The following DCHS2 variants were observed in gnomAD, a reference collection of about 807,000 sequenced individuals.
The protein encoded by DCHS2 is dachsous cadherin-related 2.
DCHS2 carries 142 observed loss-of-function variants against 182.4 expected under a neutral mutation model. That is an observed-to-expected ratio of 0.78 (90% confidence interval 0.68 to 0.89). The LOEUF (loss-of-function observed/expected upper bound fraction) is 0.89, where lower values mean the gene tolerates loss of function less well. Ranked by LOEUF, DCHS2 falls within the 40% of genes least tolerant of loss-of-function variation. The probability of loss-of-function intolerance (pLI) is 0.00; values close to 1 mark genes in which losing one functional copy is unlikely to be tolerated. For synonymous variants in DCHS2, 1,740 were observed against 1,663.3 expected (o/e 1.05, Z -1.12); for missense variants, 4,319 against 4,198.6 (o/e 1.03, Z -0.79).
intron 10 of DCHS2, among the ~76,000 whole-genome samples, chr4:154,312,378 A>G (rs571029209): frequency 1.7e-3 from 253 of 152,230 alleles, no homozygotes; most frequent in Non-Finnish European, 3.1e-3. Flanking sequence ...ACGTCAATGA[A>G]TAACTACTAA....
chr4:154,374,415 A>T (rs1366533515), intron 2 of DCHS2: 1 of 152,976 alleles, frequency 6.5e-6, no homozygotes, highest in East Asian at 1.9e-4. Context: ...TCTATCAAGA[A>T]TATATTTTTA....
chr4:154,251,381 GTTCCCA>G (rs1303652515), intron 16 of DCHS2, among the ~76,000 whole-genome samples: 1 of 141,216 alleles, frequency 7.1e-6, no homozygotes, highest in African/African-American at 2.6e-5. Context: ...ACCTCTCTGA[GTTCCCA>G]TTTCTTTATT....
intron 1 of DCHS2, among the ~76,000 whole-genome samples, chr4:154,396,211 G>A (rs1259421269): frequency 6.9e-6 from 1 of 145,634 alleles, no homozygotes; most frequent in Non-Finnish European, 1.5e-5. Flanking sequence ...AGTGTACCTG[G>A]CACATAATAG....
chr4:154,330,523 G>C (rs1453753629), intron 5 of DCHS2, among the ~76,000 whole-genome samples: 1 of 151,998 alleles, frequency 6.6e-6, no homozygotes, highest in African/African-American at 2.4e-5. Flanking sequence ...CAAGCACTCG[G>C]TCCAATAGCC....
At chr4:154,426,584 T>C (rs552502890) in intron 1 of DCHS2, among the ~76,000 whole-genome samples, 5 of 152,144 alleles carry the variant, frequency 3.3e-5, no homozygotes, top group East Asian at 1.9e-4. Flanking sequence ...TAGAATAAGA[T>C]TGAGTATTTG....
chr4:154,320,102 C>T (rs1448755867), intron 9 of DCHS2, among the ~76,000 whole-genome samples: 2 of 152,184 alleles, frequency 1.3e-5, no homozygotes, highest in African/African-American at 2.4e-5. Flanking sequence ...AGACAAAACT[C>T]CATTATTCCA....
At chr4:154,310,713 A>T (rs1735642391) in intron 10 of DCHS2, among the ~76,000 whole-genome samples, 1 of 152,210 alleles carries the variant, frequency 6.6e-6, no homozygotes, top group Non-Finnish European at 1.5e-5. Flanking sequence ...TATAAGAACT[A>T]TCAGAACTCA....
chr4:154,421,566 T>C (rs999505110), intron 1 of DCHS2, among the ~76,000 whole-genome samples: 12 of 152,136 alleles, frequency 7.9e-5, no homozygotes, highest in Admixed American at 7.9e-4. Context: ...GGCTAATTTT[T>C]GTATTTTTAG....
chr4:154,284,969 T>C (rs1406625543), intron 13 of DCHS2, among the ~76,000 whole-genome samples: 2 of 152,078 alleles, frequency 1.3e-5, no homozygotes, highest in African/African-American at 4.8e-5. Context: ...GGACAGACTC[T>C]TTCCTTCCAC....
At chr4:154,259,786 A>G in intron 14 of DCHS2, 30 bp from the exon 15 acceptor site, 1 of 1,573,256 alleles carries the variant, frequency 6.4e-7, no homozygotes. Flanking sequence ...GAAAAAAAAG[A>G]AAATGATGTT....
intron 14 of DCHS2, among the ~76,000 whole-genome samples, chr4:154,268,592 T>C (rs1406034247): frequency 6.6e-6 from 1 of 152,196 alleles, no homozygotes; most frequent in African/African-American, 2.4e-5. Context: ...CACAGGTAAC[T>C]AAGCCTGGAG....
chr4:154,353,238 A>C (rs1729700387), intron 3 of DCHS2, among the ~76,000 whole-genome samples: 1 of 152,100 alleles, frequency 6.6e-6, no homozygotes, highest in South Asian at 2.1e-4. Flanking sequence ...TTCTAAAGAA[A>C]CCCACCTTCA....
intron 1 of DCHS2, among the ~76,000 whole-genome samples, chr4:154,412,406 C>T (rs1732669751): frequency 1.3e-5 from 2 of 152,088 alleles, no homozygotes; most frequent in African/African-American, 4.8e-5. Flanking sequence ...TTCTCATCCC[C>T]ACCATCAAGA....
chr4:154,480,733 TA>T, intron 1 of DCHS2, among the ~76,000 whole-genome samples: 1 of 152,328 alleles, frequency 6.6e-6, no homozygotes, highest in East Asian at 1.9e-4. Context: ...TCAATATATC[TA>T]GTACACACAT....
chr4:154,270,319 A>G (rs1252351840), intron 13 of DCHS2, among the ~76,000 whole-genome samples: 2 of 152,098 alleles, frequency 1.3e-5, no homozygotes, highest in Non-Finnish European at 2.9e-5. Flanking sequence ...AGAAAGAGAG[A>G]AATAAGGTTA....
At chr4:154,247,173 A>G (rs1464273330) in intron 16 of DCHS2, among the ~76,000 whole-genome samples, 1 of 152,196 alleles carries the variant, frequency 6.6e-6, no homozygotes, top group Non-Finnish European at 1.5e-5. Flanking sequence ...AAAATTATAC[A>G]AAGTAAAAGA....
intron 12 of DCHS2, among the ~76,000 whole-genome samples, chr4:154,301,820 C>T (rs1279529944): frequency 2.0e-5 from 3 of 152,020 alleles, no homozygotes; most frequent in African/African-American, 2.4e-5. Flanking sequence ...CTTATTTTAG[C>T]AAAAAGGAAC....
chr4:154,295,638 T>C (rs1399508682), intron 13 of DCHS2, among the ~76,000 whole-genome samples: 3 of 152,240 alleles, frequency 2.0e-5, no homozygotes, highest in Non-Finnish European at 4.4e-5. Context: ...CCCAAGTAAC[T>C]TTATGAAATT....
intron 3 of DCHS2, chr4:154,357,258 T>G (rs770082865): frequency 6.2e-7 from 1 of 1,613,550 alleles, no homozygotes; most frequent in Admixed American, 1.7e-5. Context: ...CTCTAAACTG[T>G]TCATTACTTC....
Sources: gnomAD v4.1 joint callset for allele counts (sites outside exome capture counted in the v4.1 genomes callset) on GRCh38, gnomAD v4.1.1 for gene constraint, MANE v1.5 for transcripts, NCBI Gene and HGNC (gene_info 2026-07-23, HGNC 2026-07-21) for gene names.